Variants in ZNF652 observed in about 807,000 individuals in gnomAD.
ZNF652 encodes the protein zinc finger protein 652.
A neutral mutation model predicts 45.2 loss-of-function variants in ZNF652; 16 were observed. That is an observed-to-expected ratio of 0.35 (90% CI 0.24 to 0.54). The LOEUF (loss-of-function observed/expected upper bound fraction) is 0.54, where lower values mean the gene tolerates loss of function less well. Ranked by LOEUF, ZNF652 falls within the 20% of genes least tolerant of loss-of-function variation. The pLI, the probability that ZNF652 is intolerant of heterozygous loss-of-function variation, is 0.91. For missense variants in ZNF652, 614 were observed against 765.6 expected, an observed-to-expected ratio of 0.80 and a Z score of 2.34; for synonymous variants, 250 against 260.6, an observed-to-expected ratio of 0.96 and a Z score of 0.39.
At chr17:49,347,879 G>A in intron 1 of ZNF652, among the ~76,000 whole-genome samples, 1 of 151,336 alleles carries the variant, frequency 6.6e-6, no homozygotes, top group Admixed American at 6.6e-5. Context: ...CAAATAGCTG[G>A]GACTAGAGGT....
At chr17:49,301,957 A>G (rs1303159159) in intron 5 of ZNF652, among the ~76,000 whole-genome samples, 1 of 152,102 alleles carries the variant, frequency 6.6e-6, no homozygotes, top group Non-Finnish European at 1.5e-5. Context: ...ATACCACTGA[A>G]AACAATGTTA....
chr17:49,357,493 T>C (rs561749291), intron 1 of ZNF652, among the ~76,000 whole-genome samples: 2 of 152,252 alleles, frequency 1.3e-5, no homozygotes, highest in South Asian at 2.1e-4. Context: ...ATAGCCCCAA[T>C]AGCAGTTTAT....
At chr17:49,316,781 C>G (rs1297108371) in intron 2 of ZNF652, 45 bp downstream of exon 2, 1 of 1,554,742 alleles carries the variant, frequency 6.4e-7, no homozygotes. Flanking sequence ...TCTGAACAGC[C>G]AGGTTCTATC....
chr17:49,311,275 T>C, intron 5 of ZNF652, 37 bp downstream of exon 5: 1 of 1,599,578 alleles, frequency 6.3e-7, no homozygotes, highest in Non-Finnish European at 8.6e-7. Flanking sequence ...AACAAGTGCT[T>C]GAGACATTAT....
At chr17:49,341,625 C>T (rs764405919) in intron 1 of ZNF652, among the ~76,000 whole-genome samples, 8 of 151,914 alleles carry the variant, frequency 5.3e-5, no homozygotes, top group Non-Finnish European at 8.8e-5. Context: ...GACCACACCA[C>T]TACACTCTGG....
intron 2 of ZNF652, among the ~76,000 whole-genome samples, chr17:49,314,403 G>A (rs1284226796): frequency 1.3e-5 from 2 of 151,946 alleles, no homozygotes; most frequent in African/African-American, 4.8e-5. Flanking sequence ...CTTGTGATCT[G>A]CCCGCCTCAG....
At chr17:49,340,461 C>A (rs1807750990) in intron 1 of ZNF652, among the ~76,000 whole-genome samples, 1 of 139,898 alleles carries the variant, frequency 7.1e-6, no homozygotes, top group African/African-American at 2.7e-5. Context: ...GAGGCTGAGA[C>A]AGGAGAATCT....
At chr17:49,310,664 G>C (rs2069697207) in intron 5 of ZNF652, among the ~76,000 whole-genome samples, 1 of 152,212 alleles carries the variant, frequency 6.6e-6, no homozygotes. Flanking sequence ...CACTTTGGGA[G>C]ACTGAGGCAG....
At chr17:49,304,878 GTA>G (rs10601579) in intron 5 of ZNF652, among the ~76,000 whole-genome samples, 75,835 of 148,946 alleles carry the variant, frequency 0.51, 19,463 homozygotes, top group South Asian at 0.71. Flanking sequence ...ATATATATGT[GTA>G]TATATATATA....
At chr17:49,351,181 C>T (rs968653588) in intron 1 of ZNF652, among the ~76,000 whole-genome samples, 15 of 151,486 alleles carry the variant, frequency 9.9e-5, no homozygotes, top group Admixed American at 7.9e-4. Context: ...CATACAAACA[C>T]GTGTAAGTAT....
chr17:49,309,329 TAAAAAAAAAAAAAAA>T (rs11307814), intron 5 of ZNF652, among the ~76,000 whole-genome samples: 2 of 66,310 alleles, frequency 3.0e-5, no homozygotes, highest in Admixed American at 1.9e-4. Flanking sequence ...CTGTCTCTAC[TAAAAAAAAAAAAAAA>T]AAAAAAAAAA....
chr17:49,330,817 G>A (rs1420109641), intron 1 of ZNF652, among the ~76,000 whole-genome samples: 1 of 151,786 alleles, frequency 6.6e-6, no homozygotes, highest in East Asian at 2.0e-4. Context: ...TTGGGAGGCT[G>A]AGGCAGGTGG....
At chr17:49,323,437 G>C (rs922542609) in intron 1 of ZNF652, among the ~76,000 whole-genome samples, 7 of 152,166 alleles carry the variant, frequency 4.6e-5, no homozygotes, top group African/African-American at 1.7e-4. Context: ...TCATCCATGA[G>C]GCTTGGAATC....
At chr17:49,331,513 T>G (rs1184799765) in intron 1 of ZNF652, among the ~76,000 whole-genome samples, 1 of 152,176 alleles carries the variant, frequency 6.6e-6, no homozygotes, top group South Asian at 2.1e-4. Flanking sequence ...GATGTTCACA[T>G]TGTGGCTACC....
chr17:49,336,038 G>A (rs78226176), intron 1 of ZNF652, among the ~76,000 whole-genome samples: 1 of 138,694 alleles, frequency 7.2e-6, no homozygotes, highest in Non-Finnish European at 1.6e-5. Context: ...TTTTTTTTTT[G>A]TTTTGATACA....
In ZNF652 at chr17:49,297,198, A is replaced by AT. The variant is rs1044518499; in HGVS notation, c.*1214dup. ...CACTATCAGCAATGTCATGTTTGTG[A>AT]TTTTAAGTTTACTATTTTAGCTTCT... On this transcript the variant is annotated 3_prime_UTR_variant, in exon 6 of 6. Transcript: ENST00000430262. 8.5e-5 allele frequency: 13 copies of AT among 152,488 alleles called. No individual in the cohort carries two copies. Among genetic ancestry groups the AT allele is most frequent in the African/African-American group, 3.1e-4 (13 of 41,574 alleles). The allele number at this position is 152,488 out of a possible 1,614,324, so 9.4% of individuals were successfully genotyped here. A position where few individuals can be genotyped will look rare whatever the true frequency, so the allele number is the denominator to read the frequency against.
chr17:49,311,180 TAG>T (rs2069706505), intron 5 of ZNF652, 130 bp downstream of exon 5: 6 of 878,972 alleles, frequency 6.8e-6, no homozygotes, highest in Non-Finnish European at 1.0e-5. Flanking sequence ...TTTTACATAT[TAG>T]GTTTATTTAA....
In ZNF652 at chr17:49,347,735, G is replaced by GGTTTTTTT. The variant is rs1481178311; in HGVS notation, c.-259+14173_-259+14174insAAAAAAAC. Among the ~76,000 whole-genome samples, 3 of 124,410 alleles carry GGTTTTTTT rather than the reference G, an allele frequency of 2.4e-5. 1 individual carries two copies. Among genetic ancestry groups the GGTTTTTTT allele is most frequent in the African/African-American group, 3.2e-5 (1 of 31,720 alleles). The allele number at this position is 124,410 out of a possible 152,430, so 81.6% of individuals were successfully genotyped here. A position where few individuals can be genotyped will look rare whatever the true frequency, so the allele number is the denominator to read the frequency against. On this transcript the variant is annotated intron_variant, in intron 1 of 5. Coordinates refer to ENST00000430262, the MANE Select transcript of ZNF652 (RefSeq NM_001145365.3). The stretch of plus-strand genomic sequence containing the variant: ...TGCCTGCAAGAAAAATTGAACCTTG[G>GGTTTTTTT]TTTTGTTTTTTTTTTTTTTTTTTTT...
intron 1 of ZNF652, among the ~76,000 whole-genome samples, chr17:49,340,577 AAAG>A (rs887437979): frequency 1.0e-4 from 12 of 118,742 alleles, no homozygotes; most frequent in Non-Finnish European, 1.4e-4. Context: ...AAAAAGAAAG[AAAG>A]AAAAAATATA....
Sources: allele counts gnomAD v4.1 joint callset (sites outside exome capture counted in the v4.1 genomes callset), GRCh38; gene constraint gnomAD v4.1.1; transcripts MANE v1.5; gene names NCBI Gene and HGNC (gene_info 2026-07-23, HGNC 2026-07-21).